The following NNT variants were observed in gnomAD, a reference collection of about 807,000 sequenced individuals.
NNT encodes NAD(P) transhydrogenase, mitochondrial.
Under a neutral mutation model 104.8 loss-of-function variants are expected in NNT, and 50 were observed. The observed-to-expected ratio is 0.48, with a 90% confidence interval of 0.38 to 0.60. NNT has a LOEUF of 0.60. Among genes scored for constraint, NNT ranks in the 20% least tolerant of loss-of-function variants. The pLI is 0.00. For missense variants in NNT, 1,131 were observed against 1,330.7 expected (o/e 0.85, Z 2.33); for synonymous variants, 461 against 490.4 (o/e 0.94, Z 0.79).
chr5:43,683,254 C>T (rs1409744648), intron 19 of NNT, among the ~76,000 whole-genome samples: 1 of 152,214 alleles, frequency 6.6e-6, no homozygotes, highest in Non-Finnish European at 1.5e-5. Flanking sequence ...CATCTATGTT[C>T]AACCTATTGT....
intron 17 of NNT, among the ~76,000 whole-genome samples, chr5:43,672,299 C>A (rs1741149148): frequency 6.6e-6 from 1 of 152,236 alleles, no homozygotes; most frequent in African/African-American, 2.4e-5. Flanking sequence ...AAGTCATTCT[C>A]CATCCAGCTT....
At chr5:43,678,300 G>C (rs1175204816) in intron 19 of NNT, among the ~76,000 whole-genome samples, 2 of 152,124 alleles carry the variant, frequency 1.3e-5, no homozygotes, top group Non-Finnish European at 2.9e-5. Flanking sequence ...GCTGTATATG[G>C]CTTCTGAAAA....
At chr5:43,694,831 G>A (rs1443676333) in intron 19 of NNT, among the ~76,000 whole-genome samples, 1 of 150,960 alleles carries the variant, frequency 6.6e-6, no homozygotes, top group Non-Finnish European at 1.5e-5. Flanking sequence ...AATGAGTTAG[G>A]GAGGAGTCTA....
chr5:43,696,754 G>C (rs1742578171), intron 19 of NNT, among the ~76,000 whole-genome samples: 1 of 152,196 alleles, frequency 6.6e-6, no homozygotes, highest in African/African-American at 2.4e-5. Context: ...TCCACATCAT[G>C]TGGAAGCTAC....
At chr5:43,658,834 G>A (rs1740197092) in intron 16 of NNT, among the ~76,000 whole-genome samples, 1 of 152,176 alleles carries the variant, frequency 6.6e-6, no homozygotes, top group Non-Finnish European at 1.5e-5. Flanking sequence ...ACAGGGGATT[G>A]CCCTCAGTCT....
At chr5:43,658,120 G>A (rs1024107420) in intron 16 of NNT, among the ~76,000 whole-genome samples, 2 of 151,952 alleles carry the variant, frequency 1.3e-5, no homozygotes, top group Non-Finnish European at 2.9e-5. Context: ...GGGTGACAAA[G>A]CAAGACTCTG....
intron 14 of NNT, among the ~76,000 whole-genome samples, chr5:43,654,487 G>C (rs1333819324): frequency 2.0e-5 from 3 of 152,240 alleles, no homozygotes; most frequent in Non-Finnish European, 4.4e-5. Flanking sequence ...TGATAAATGA[G>C]TGAAGTTCTC....
intron 17 of NNT, among the ~76,000 whole-genome samples, chr5:43,672,308 T>A (rs1741149637): frequency 6.6e-6 from 1 of 152,100 alleles, no homozygotes. Flanking sequence ...TCCATCCAGC[T>A]TTGTTCCATT....
chr5:43,612,765 A>G, intron 2 of NNT, 143 bp from the exon 3 acceptor site: 1 of 603,606 alleles, frequency 1.7e-6, no homozygotes, highest in Non-Finnish European at 2.9e-6. Flanking sequence ...TGAATCAGGA[A>G]CATCATTCTG....
intron 17 of NNT, among the ~76,000 whole-genome samples, chr5:43,669,227 C>G (rs1339868011): frequency 9.9e-5 from 15 of 152,104 alleles, no homozygotes; most frequent in Admixed American, 3.3e-4. Context: ...CATCTGCAAA[C>G]AGGGACAATT....
At chr5:43,655,789 A>C in intron 14 of NNT, 51 bp from the exon 15 acceptor site, 2 of 1,279,152 alleles carry the variant, frequency 1.6e-6, no homozygotes, top group Non-Finnish European at 2.3e-6. Flanking sequence ...TGTTGTGGTT[A>C]CTTCTCAAAA....
chr5:43,653,458 C>A (rs1420523596), intron 14 of NNT: 2 of 406,352 alleles, frequency 4.9e-6, no homozygotes, highest in East Asian at 8.2e-5. Context: ...TGACTGTGTC[C>A]CGTTAGCTGA....
At chr5:43,621,863 A>C (rs567279314) in intron 5 of NNT, among the ~76,000 whole-genome samples, 203 of 152,240 alleles carry the variant, frequency 1.3e-3, no homozygotes, top group Non-Finnish European at 2.5e-3. Context: ...CCAAGCATTT[A>C]GGATTCCAGT....
At chr5:43,661,251 G>T (rs1740340185) in intron 17 of NNT, among the ~76,000 whole-genome samples, 1 of 152,204 alleles carries the variant, frequency 6.6e-6, no homozygotes, top group Admixed American at 6.5e-5. Context: ...TTATGAAATT[G>T]TACTAGAAAT....
intron 7 of NNT, among the ~76,000 whole-genome samples, chr5:43,635,625 G>T (rs907284597): frequency 1.3e-5 from 2 of 152,116 alleles, no homozygotes; most frequent in African/African-American, 4.8e-5. Context: ...GATGTATAAG[G>T]TCAATGTGTC....
intron 17 of NNT, among the ~76,000 whole-genome samples, chr5:43,661,516 C>T (rs906836306): frequency 3.3e-5 from 5 of 150,366 alleles, no homozygotes; most frequent in South Asian, 2.1e-4. Flanking sequence ...CCCACTAACT[C>T]GTCATCTAGC....
chr5:43,641,021 A>G (rs577442952), intron 7 of NNT, among the ~76,000 whole-genome samples: 1 of 151,916 alleles, frequency 6.6e-6, no homozygotes, highest in Admixed American at 6.6e-5. Flanking sequence ...TTCTTTTACA[A>G]TTAATTCTTA....
chr5:43,672,152 T>C (rs900342771), intron 17 of NNT, among the ~76,000 whole-genome samples: 6 of 152,222 alleles, frequency 3.9e-5, no homozygotes, highest in Non-Finnish European at 8.8e-5. Context: ...TTTAAGTACT[T>C]CTCTACACTG....
chr5:43,702,583 T>G (rs759977985), intron 20 of NNT, 38 bp from the exon 21 acceptor site: 4 of 1,287,668 alleles, frequency 3.1e-6, no homozygotes, highest in Non-Finnish European at 4.3e-6. Context: ...AGTGACCATT[T>G]GAGTTTTATA....
Sources: allele counts gnomAD v4.1 joint callset (sites outside exome capture counted in the v4.1 genomes callset), GRCh38; gene constraint gnomAD v4.1.1; transcripts MANE v1.5; gene names NCBI Gene and HGNC (gene_info 2026-07-23, HGNC 2026-07-21).